The following MFAP3 variants were observed in gnomAD, a reference collection of about 807,000 sequenced individuals.
The protein encoded by MFAP3 is microfibril associated protein 3.
In MFAP3, 8 loss-of-function variants were observed where a neutral mutation model predicts 20.5. The observed-to-expected ratio is 0.39, with a 90% CI of 0.23 to 0.70. MFAP3 has a LOEUF of 0.70. Among genes scored for constraint, MFAP3 ranks in the 30% least tolerant of loss-of-function variants. The pLI, the probability that MFAP3 is intolerant of heterozygous loss-of-function variation, is 0.44. For synonymous variants in MFAP3, 140 were observed against 154.0 expected, an observed-to-expected ratio of 0.91 and a Z score of 0.67; for missense variants, 398 against 444.6, an observed-to-expected ratio of 0.90 and a Z score of 0.94.
At chr5:154,048,600 T>G (rs777379335) in intron 1 of MFAP3, among the ~76,000 whole-genome samples, 2 of 152,184 alleles carry the variant, frequency 1.3e-5, no homozygotes, top group Non-Finnish European at 2.9e-5. Context: ...ATTTTTTCTT[T>G]GAGAGTTGGT....
intron 1 of MFAP3, among the ~76,000 whole-genome samples, chr5:154,044,937 TAA>T (rs36081972): frequency 1.5e-4 from 22 of 145,758 alleles, no homozygotes; most frequent in East Asian, 2.0e-4. Context: ...TTTCTTTTTT[TAA>T]AAAAAAAAAA....
At position 154,053,939 on chromosome 5, in the gene MFAP3, T is replaced by G; in HGVS notation, c.*226T>G. 5 of 464,976 alleles carry G rather than the reference T, an allele frequency of 1.1e-5. No individual in the cohort carries two copies. Among genetic ancestry groups the G allele is most frequent in the East Asian group, 3.7e-5 (1 of 27,242 alleles). The allele number at this position is 464,976 out of a possible 1,614,324, so 28.8% of individuals were successfully genotyped here. On this transcript the variant is annotated 3_prime_UTR_variant, in exon 3 of 3. Transcript: ENST00000522782. Reference sequence around the variant, plus strand: ...TAGAGCTTTATTAAATTATGCATGCTAAGATTTAAAGGAGCCCCAGATAAA... The same window carrying G: ...TAGAGCTTTATTAAATTATGCATGCGAAGATTTAAAGGAGCCCCAGATAAA...
Position 154,049,544 on chromosome 5 carries a change from G to A in MFAP3, c.-166-13G>A. On this transcript the variant is annotated splice_polypyrimidine_tract_variant and intron_variant, in intron 1 of 2. Transcript: ENST00000522782. ...TCTCAGTTGGTTAAACTTTGTATCT[G>A]GCTTTCTTTTAGGTTCTCTACTCAC... The A allele has an allele frequency of 1.6e-6, 1 of 613,952 alleles. No homozygotes were observed. Among genetic ancestry groups the A allele is most frequent in the South Asian group, 2.1e-5 (1 of 47,064 alleles). 38.0% of individuals were successfully genotyped at this position (613,952 alleles called of 1,614,324 possible).
chr5:154,043,742 A>ATATAT (rs149312866), intron 1 of MFAP3, among the ~76,000 whole-genome samples: 3 of 142,948 alleles, frequency 2.1e-5, no homozygotes, highest in African/African-American at 5.1e-5. Context: ...ATATATATAT[A>ATATAT]TTTTTTTTTC....
At position 154,049,628 on chromosome 5, in the gene MFAP3, TCTC is replaced by T; in HGVS notation, c.-94_-92del. ...GGATCTACCACTTGTTTGGAAAATT[TCTC>T]TACCAAGCAATAAATTACCCGCTGT... On this transcript the variant is annotated 5_prime_UTR_variant, in exon 2 of 3. Coordinates refer to ENST00000522782, the MANE Select transcript of MFAP3 (RefSeq NM_005927.5). The T allele has an allele frequency of 7.9e-7, 1 of 1,266,266 alleles. No individual in the cohort carries two copies. The allele number at this position is 1,266,266 out of a possible 1,614,324, so 78.4% of individuals were successfully genotyped here. A position where few individuals can be genotyped will look rare whatever the true frequency, so the allele number is the denominator to read the frequency against.
At chr5:154,044,948 AAG>A (rs1773043312) in intron 1 of MFAP3, among the ~76,000 whole-genome samples, 1 of 151,010 alleles carries the variant, frequency 6.6e-6, no homozygotes, top group African/African-American at 2.4e-5. Flanking sequence ...AAAAAAAAAA[AAG>A]GGTCACAGGA....
chr5:154,051,729 A>G (rs1181719949), intron 2 of MFAP3: 3 of 152,180 alleles, frequency 2.0e-5, no homozygotes, highest in Admixed American at 6.6e-5. Flanking sequence ...ATATATTAAT[A>G]CCTATAGGAT....
rs1773264513 is a variant in MFAP3 at position 154,053,782 on chromosome 5, G to A, written c.*69G>A. On this transcript the variant is annotated 3_prime_UTR_variant, in exon 3 of 3. Coordinates refer to ENST00000522782, the MANE Select transcript of MFAP3 (RefSeq NM_005927.5). Reference sequence around the variant, plus strand: ...CAGAAAAGGAACCTGTTTCTTAGAAGAAGTAACATTTTTGCCAAAAGATGA... The same window carrying A: ...CAGAAAAGGAACCTGTTTCTTAGAAAAAGTAACATTTTTGCCAAAAGATGA... 17 of 1,430,854 alleles carry A rather than the reference G, an allele frequency of 1.2e-5. No individual in the cohort carries two copies. Among genetic ancestry groups the A allele is most frequent in the Non-Finnish European group, 1.4e-5 (15 of 1,056,604 alleles). The allele number at this position is 1,430,854 out of a possible 1,614,324, so 88.6% of individuals were successfully genotyped here.
In MFAP3 at chr5:154,055,735, A is replaced by G. The variant is rs1023892661; in HGVS notation, c.*2022A>G. Among the ~76,000 whole-genome samples, 4 of 152,138 alleles carry G rather than the reference A, an allele frequency of 2.6e-5. No individual in the cohort carries two copies. The highest frequency in any genetic ancestry group is 6.5e-5 in the Admixed American group (1 of 15,270). On this transcript the variant is annotated 3_prime_UTR_variant, in exon 3 of 3. Coordinates refer to ENST00000522782, the MANE Select transcript of MFAP3 (RefSeq NM_005927.5). The stretch of plus-strand genomic sequence containing the variant: ...ATCGTCCTGCTTCAGCCTCCCAAGC[A>G]GCTAGGACTACAGGTGTGCACCACC...
At position 154,055,922 on chromosome 5, in the gene MFAP3, AT is replaced by A. The variant is rs2113572080; in HGVS notation, c.*2210del. On this transcript the variant is annotated 3_prime_UTR_variant, in exon 3 of 3. Transcript: ENST00000522782. ...TGTGCCTGGCCAAAAAACATTTTAA[AT>A]CCCTTGTCTGGGGGTCAGTCCTCTA... 6.6e-6 allele frequency among the ~76,000 whole-genome samples: 1 copy of A among 152,234 alleles called. No homozygotes were observed. Among genetic ancestry groups the A allele is most frequent in the Admixed American group, 6.5e-5 (1 of 15,286 alleles).
intron 2 of MFAP3, 103 bp from the exon 3 acceptor site, chr5:154,052,817 A>C: frequency 1.0e-6 from 1 of 984,278 alleles, no homozygotes; most frequent in Non-Finnish European, 1.5e-6. Flanking sequence ...CAAATCAGCT[A>C]AGTTAAAGTA....
intron 1 of MFAP3, among the ~76,000 whole-genome samples, chr5:154,040,138 G>A (rs1047944830): frequency 1.6e-4 from 25 of 152,192 alleles, no homozygotes; most frequent in African/African-American, 6.0e-4. Flanking sequence ...TATAGCAGCA[G>A]TTCTCAAACT....
chr5:154,039,683 C>G (rs1004870188), intron 1 of MFAP3, among the ~76,000 whole-genome samples: 1 of 152,168 alleles, frequency 6.6e-6, no homozygotes, highest in Non-Finnish European at 1.5e-5. Flanking sequence ...CAGAAAGATG[C>G]AACTCTTCTG....
In MFAP3 at chr5:154,053,426, G is replaced by A. The variant is rs139409493; in HGVS notation, c.802G>A (p.Gly268Ser). 1.4e-5 allele frequency: 23 copies of A among 1,613,928 alleles called. No homozygotes were observed. The African/African-American group carries it at 2.4e-4, about 17-fold the overall frequency. The part of the protein sequence containing the change: ...AVRVDDPDDL[G>S]ERIKERPALN... ...GCGAGTGGACGACCCTGATGACCTG[G>A]GTGAAAGAATTAAAGAGAGACCTGC... The change falls in exon 3 of 3, where the codon GGT becomes AGT. Residue 268 changes from glycine to serine, a missense_variant. Physicochemically the swap from Gly to Ser is moderately conservative, Grantham distance 56. Coordinates refer to ENST00000522782, the MANE Select transcript of MFAP3 (RefSeq NM_005927.5).
chr5:154,056,790 A>G lies in MFAP3; in HGVS notation c.*3077A>G, dbSNP rs7727184. Among the ~76,000 whole-genome samples, 61 of 152,340 alleles carry G rather than the reference A, an allele frequency of 4.0e-4. 1 individual carries two copies. The highest frequency in any genetic ancestry group is 1.4e-3 in the African/African-American group (60 of 41,586). On this transcript the variant is annotated 3_prime_UTR_variant, in exon 3 of 3. Transcript: ENST00000522782. ...ACTGTTTGATAACTGCCTGTCCTCC[A>G]AATTGTGTATGTATATGTTACGATG...
chr5:154,045,949 A>G (rs768368956), intron 1 of MFAP3, among the ~76,000 whole-genome samples: 1 of 152,236 alleles, frequency 6.6e-6, no homozygotes, highest in Non-Finnish European at 1.5e-5. Context: ...GAGGAACTGT[A>G]TTAGTGGCCC....
intron 1 of MFAP3, among the ~76,000 whole-genome samples, chr5:154,040,221 A>G (rs377593263): frequency 3.3e-5 from 5 of 152,352 alleles, no homozygotes; most frequent in East Asian, 1.9e-4. Flanking sequence ...TATAATAGCT[A>G]TCAATATTTA....
rs1165561331 is a variant in MFAP3 at position 154,053,240 on chromosome 5, A to C, written c.616A>C (p.Ile206Leu). The part of the protein sequence containing the change: ...LQKAFEIAKR[I>L]PIITSAKTLE... Reference sequence around the variant, plus strand: ...GAAGGCCTTTGAGATTGCAAAACGTATCCCCATCATTACCTCAGCCAAAAC... The same window carrying C: ...GAAGGCCTTTGAGATTGCAAAACGTCTCCCCATCATTACCTCAGCCAAAAC... The change falls in exon 3 of 3, where the codon ATC becomes CTC. Residue 206 changes from isoleucine (I) to leucine (L), a missense_variant. Physicochemically the swap from Ile to Leu is conservative, Grantham distance 5. Transcript: ENST00000522782. 6.2e-7 allele frequency: 1 copy of C among 1,614,000 alleles called. No homozygotes were observed. Among genetic ancestry groups the C allele is most frequent in the East Asian group, 2.2e-5 (1 of 44,874 alleles).
In MFAP3 at chr5:154,053,961, T is replaced by TAA; in HGVS notation, c.*250_*251dup. On this transcript the variant is annotated 3_prime_UTR_variant, in exon 3 of 3. Transcript: ENST00000522782. ...TGCTAAGATTTAAAGGAGCCCCAGA[T>TAA]AAACATGATGGGGAAAAGCACTGAA... 2.4e-6 allele frequency: 1 copy of TAA among 421,548 alleles called. No homozygotes were observed. The highest frequency in any genetic ancestry group is 2.0e-5 in the African/African-American group (1 of 49,936). 26.1% of individuals were successfully genotyped at this position (421,548 alleles called of 1,614,324 possible). A position where few individuals can be genotyped will look rare whatever the true frequency, so the allele number is the denominator to read the frequency against.
Sources: allele counts gnomAD v4.1 joint callset (sites outside exome capture counted in the v4.1 genomes callset), GRCh38; gene constraint gnomAD v4.1.1; transcripts MANE v1.5; gene names NCBI Gene and HGNC (gene_info 2026-07-23, HGNC 2026-07-21).